Variants in ROCK1 observed in about 807,000 individuals in gnomAD.
The protein encoded by ROCK1 is rho-associated protein kinase 1.
Under a neutral mutation model 196.8 loss-of-function variants are expected in ROCK1, and 36 were observed. That is an observed-to-expected ratio of 0.18 (90% CI 0.14 to 0.24). The LOEUF is 0.24. Among genes scored for constraint, ROCK1 ranks in the 10% least tolerant of loss-of-function variants. The pLI is 1.00. For synonymous variants in ROCK1, 443 were observed against 515.9 expected, an observed-to-expected ratio of 0.86 and a Z score of 1.91; for missense variants, 920 against 1,562.0, an observed-to-expected ratio of 0.59 and a Z score of 6.93.
chr18:21,029,040 C>T (rs1259966729), intron 9 of ROCK1, 105 bp from the exon 10 acceptor site: 8 of 1,109,256 alleles, frequency 7.2e-6, no homozygotes, highest in African/African-American at 1.6e-5. Flanking sequence ...TAAAACCTTG[C>T]AAACCACAAA....
intron 1 of ROCK1, among the ~76,000 whole-genome samples, chr18:21,091,496 G>A (rs12956671): frequency 0.47 from 70,171 of 150,750 alleles, 17,358 homozygotes; most frequent in Non-Finnish European, 0.57. Flanking sequence ...CCAGCTACTC[G>A]GGAGGCAGAG....
chr18:20,987,812 C>A (rs555508576), intron 18 of ROCK1, among the ~76,000 whole-genome samples: 120 of 152,196 alleles, frequency 7.9e-4, no homozygotes, highest in African/African-American at 2.8e-3. Flanking sequence ...TCTTTCCCCC[C>A]AAACTTACAA....
At chr18:21,032,395 A>G (rs1481274805) in intron 9 of ROCK1, among the ~76,000 whole-genome samples, 1 of 152,200 alleles carries the variant, frequency 6.6e-6, no homozygotes, top group Non-Finnish European at 1.5e-5. Flanking sequence ...AAGGAAAAGA[A>G]GAAGGAATCA....
intron 2 of ROCK1, among the ~76,000 whole-genome samples, chr18:21,063,671 C>T (rs1156251482): frequency 6.6e-6 from 1 of 152,102 alleles, no homozygotes; most frequent in African/African-American, 2.4e-5. Context: ...AAAAAGAATC[C>T]TCTGGCAGCA....
intron 29 of ROCK1, among the ~76,000 whole-genome samples, chr18:20,957,652 T>C (rs2035257465): frequency 6.6e-6 from 1 of 152,026 alleles, no homozygotes; most frequent in East Asian, 1.9e-4. Flanking sequence ...AGCTAATTTT[T>C]TGTATTTTTA....
chr18:20,959,533 C>T (rs1598507967), intron 29 of ROCK1, among the ~76,000 whole-genome samples: 1 of 150,916 alleles, frequency 6.6e-6, no homozygotes, highest in African/African-American at 2.4e-5. Flanking sequence ...ATTTTCTATC[C>T]ACAGTTGTGG....
At chr18:21,107,188 G>A (rs1410120901) in intron 1 of ROCK1, among the ~76,000 whole-genome samples, 1 of 152,158 alleles carries the variant, frequency 6.6e-6, no homozygotes, top group Admixed American at 6.5e-5. Context: ...TTCCACTTAT[G>A]GCGTCATGTC....
chr18:21,070,238 G>A (rs2036372383), intron 2 of ROCK1, among the ~76,000 whole-genome samples: 2 of 152,080 alleles, frequency 1.3e-5, no homozygotes, highest in Admixed American at 6.5e-5. Flanking sequence ...CTTTCATGGA[G>A]AAAAATTCTC....
chr18:21,006,625 G>A (rs1301967843), intron 15 of ROCK1, 28 bp from the exon 16 acceptor site: 1 of 1,601,652 alleles, frequency 6.2e-7, no homozygotes, highest in Non-Finnish European at 8.5e-7. Context: ...AAAAAAATAG[G>A]TTTCTGACCA....
At position 20,979,571 on chromosome 18, in the gene ROCK1, G is replaced by A. The variant is rs533916555; in HGVS notation, c.2654+339C>T. On this transcript the variant is annotated intron_variant, in intron 22 of 32. Transcript: ENST00000399799. ...CGGGAGGTGGAAGTTGCAGTGAGCCGAGATCATGCCACTGCACTCCAGCCT... is the reference window on the plus strand; with the variant it reads ...CGGGAGGTGGAAGTTGCAGTGAGCCAAGATCATGCCACTGCACTCCAGCCT... Among the ~76,000 whole-genome samples, 16 of 151,678 alleles carry A rather than the reference G, an allele frequency of 1.1e-4. No individual in the cohort carries two copies. The East Asian group carries it at 1.8e-3, about 17-fold the overall frequency.
intron 1 of ROCK1, among the ~76,000 whole-genome samples, chr18:21,081,988 G>T (rs1206367934): frequency 1.7e-4 from 26 of 152,134 alleles, no homozygotes; most frequent in Non-Finnish European, 2.9e-5. Flanking sequence ...GTCTCACTCT[G>T]TTGCCCAGGG....
At chr18:21,009,878 C>G (rs2035801985) in intron 13 of ROCK1, among the ~76,000 whole-genome samples, 1 of 152,138 alleles carries the variant, frequency 6.6e-6, no homozygotes, top group South Asian at 2.1e-4. Flanking sequence ...GATTCGCTTT[C>G]CTTAACACTT....
intron 16 of ROCK1, among the ~76,000 whole-genome samples, chr18:21,004,829 G>T (rs1230081916): frequency 6.6e-6 from 1 of 152,148 alleles, no homozygotes; most frequent in Non-Finnish European, 1.5e-5. Flanking sequence ...ATATAAAGTG[G>T]TTACTTTCTT....
intron 14 of ROCK1, among the ~76,000 whole-genome samples, chr18:21,007,688 T>C (rs2035779903): frequency 6.6e-6 from 1 of 152,140 alleles, no homozygotes; most frequent in African/African-American, 2.4e-5. Context: ...ACGCAGCTGC[T>C]TGTTAGAAGT....
At chr18:21,027,997 G>A (rs2035975079) in intron 10 of ROCK1, among the ~76,000 whole-genome samples, 1 of 145,920 alleles carries the variant, frequency 6.9e-6, no homozygotes, top group Admixed American at 6.8e-5. Flanking sequence ...TCCTGACCTC[G>A]TGATCCGCCC....
At chr18:20,961,922 C>A (rs2035331384) in intron 27 of ROCK1, among the ~76,000 whole-genome samples, 1 of 150,630 alleles carries the variant, frequency 6.6e-6, no homozygotes, top group Non-Finnish European at 1.5e-5. Context: ...TACCACAGCA[C>A]CTGGCTTTAA....
intron 2 of ROCK1, among the ~76,000 whole-genome samples, chr18:21,050,504 A>G (rs1038734924): frequency 2.6e-5 from 4 of 152,146 alleles, no homozygotes; most frequent in African/African-American, 9.7e-5. Context: ...TAATTCACAA[A>G]TCCCCACTGG....
intron 27 of ROCK1, among the ~76,000 whole-genome samples, chr18:20,961,397 T>C (rs1365933752): frequency 6.6e-6 from 1 of 152,232 alleles, no homozygotes; most frequent in Non-Finnish European, 1.5e-5. Flanking sequence ...ACATGCTTTA[T>C]AATATCTCAT....
Position 21,111,049 on chromosome 18 carries a change from C to A in ROCK1, c.-139G>T. ...GGTCACCAGGTGCGCCCGGTTCCCCCGTCTTCCCCTCACTGAGGGGACCTC... is the reference window on the plus strand; with the variant it reads ...GGTCACCAGGTGCGCCCGGTTCCCCAGTCTTCCCCTCACTGAGGGGACCTC... On this transcript the variant is annotated 5_prime_UTR_variant, in exon 1 of 33. Transcript: ENST00000399799. This position sits in a 1 kb window ranked among gnomAD's most constrained non-coding sequence, Gnocchi z 4.2. The A allele has an allele frequency of 1.5e-6, 1 of 665,364 alleles. No homozygotes were observed. Among genetic ancestry groups the A allele is most frequent in the East Asian group, 2.7e-5 (1 of 37,260 alleles). 41.2% of individuals were successfully genotyped at this position (665,364 alleles called of 1,614,324 possible).
Sources: gnomAD v4.1 joint callset for allele counts (sites outside exome capture counted in the v4.1 genomes callset) on GRCh38, gnomAD v4.1.1 for gene constraint, Gnocchi (gnomAD v3.1) non-coding constraint, MANE v1.5 for transcripts, NCBI Gene and HGNC (gene_info 2026-07-23, HGNC 2026-07-21) for gene names.